Variants in ENTPD3 observed in about 807,000 individuals in gnomAD.
ENTPD3 encodes CD39 antigen-like 3.
In ENTPD3, 60 loss-of-function variants were observed where a neutral mutation model predicts 51.2. That is an observed-to-expected ratio of 1.17 (90% confidence interval 0.95 to 1.45). The LOEUF is 1.45. Among genes scored for constraint, ENTPD3 ranks in the 40% most tolerant of loss-of-function variants. The pLI is 0.00. For missense variants in ENTPD3, 593 were observed against 641.1 expected, an observed-to-expected ratio of 0.93 and a Z score of 0.81; for synonymous variants, 221 against 238.4, an observed-to-expected ratio of 0.93 and a Z score of 0.67.
intron 7 of ENTPD3, among the ~76,000 whole-genome samples, chr3:40,420,740 T>C (rs1054762967): frequency 2.6e-5 from 4 of 152,158 alleles, no homozygotes; most frequent in Non-Finnish European, 5.9e-5. Context: ...ATTAAGCTTT[T>C]ATAGGATTTT....
chr3:40,426,536 A>G (rs934248727), intron 10 of ENTPD3, among the ~76,000 whole-genome samples: 1 of 152,208 alleles, frequency 6.6e-6, no homozygotes, highest in African/African-American at 2.4e-5. Context: ...TAAATGGACT[A>G]AACCTACCAG....
chr3:40,412,242 A>G (rs146893923), intron 5 of ENTPD3, among the ~76,000 whole-genome samples: 42 of 152,234 alleles, frequency 2.8e-4, no homozygotes, highest in African/African-American at 9.4e-4. Flanking sequence ...ATGGGATATA[A>G]CTCTAGTTCT....
At chr3:40,396,444 T>C (rs1955201743) in intron 3 of ENTPD3, among the ~76,000 whole-genome samples, 1 of 152,212 alleles carries the variant, frequency 6.6e-6, no homozygotes, top group African/African-American at 2.4e-5. Flanking sequence ...GGGCCAGCTC[T>C]ACAACAGCCT....
In ENTPD3 at chr3:40,411,866, A is replaced by C. The variant is rs1179705221; in HGVS notation, c.341A>C (p.Glu114Ala). Residue 114 changes from glutamate (E) to alanine (A), a missense_variant, in exon 5 of 11, where the codon GAG becomes GCG. Physicochemically the swap from Glu to Ala is moderately radical, Grantham distance 107. Coordinates refer to ENST00000301825, the MANE Select transcript of ENTPD3 (RefSeq NM_001248.4). ...NNPQDVPRAF[E>A]ECMQKVKGQV... ...CCCCAAGATGTCCCCAGAGCCTTTGAGGAGTGTATGCAAAAAGTCAAGGGG... is the reference window on the plus strand; with the variant it reads ...CCCCAAGATGTCCCCAGAGCCTTTGCGGAGTGTATGCAAAAAGTCAAGGGG... 1 of 1,612,194 alleles carries C rather than the reference A, an allele frequency of 6.2e-7. No homozygotes were observed.
intron 7 of ENTPD3, among the ~76,000 whole-genome samples, chr3:40,418,218 G>A (rs1955790903): frequency 6.6e-6 from 1 of 152,082 alleles, no homozygotes; most frequent in Non-Finnish European, 1.5e-5. Context: ...TGCCTGATAG[G>A]GTGGCTCTGC....
At chr3:40,397,716 G>A (rs1282792995) in intron 3 of ENTPD3, among the ~76,000 whole-genome samples, 1 of 152,056 alleles carries the variant, frequency 6.6e-6, no homozygotes, top group African/African-American at 2.4e-5. Flanking sequence ...CTTAAGTGTT[G>A]GACCAAGGAG....
chr3:40,412,183 G>C (rs1057065575), intron 5 of ENTPD3, among the ~76,000 whole-genome samples: 1 of 152,308 alleles, frequency 6.6e-6, no homozygotes, highest in Middle Eastern at 3.4e-3. Context: ...CTCCCTTGGT[G>C]ATTTTACTGA....
At chr3:40,414,917 A>G in intron 6 of ENTPD3, 77 bp downstream of exon 6, 1 of 1,464,912 alleles carries the variant, frequency 6.8e-7, no homozygotes, top group African/African-American at 1.4e-5. Context: ...AAGTAGAGGT[A>G]CATGCCATCA....
At chr3:40,421,257 C>T (rs1955866441) in intron 7 of ENTPD3, among the ~76,000 whole-genome samples, 1 of 152,030 alleles carries the variant, frequency 6.6e-6, no homozygotes, top group South Asian at 2.1e-4. Flanking sequence ...CTCCTGACCT[C>T]AAATGATCTG....
At chr3:40,424,924 T>A (rs1955953804) in intron 10 of ENTPD3, 1 of 633,118 alleles carries the variant, frequency 1.6e-6, no homozygotes, top group Non-Finnish European at 2.9e-6. Flanking sequence ...AATAAGGATG[T>A]CTGGAGACAT....
chr3:40,415,317 G>C (rs1955721295), intron 6 of ENTPD3, among the ~76,000 whole-genome samples: 1 of 152,126 alleles, frequency 6.6e-6, no homozygotes, highest in Non-Finnish European at 1.5e-5. Flanking sequence ...GAGGAAAGTT[G>C]ACTCCAAGAG....
At chr3:40,407,581 A>T (rs1265335136) in intron 4 of ENTPD3, among the ~76,000 whole-genome samples, 2 of 152,086 alleles carry the variant, frequency 1.3e-5, no homozygotes, top group Non-Finnish European at 2.9e-5. Flanking sequence ...GAGGGGGAGG[A>T]TGAAGAAATA....
chr3:40,418,361 G>T (rs1955792685), intron 7 of ENTPD3, among the ~76,000 whole-genome samples: 1 of 152,164 alleles, frequency 6.6e-6, no homozygotes, highest in Non-Finnish European at 1.5e-5. Flanking sequence ...GACTTGGAAG[G>T]TTCACACAAA....
chr3:40,426,107 C>CTT lies in ENTPD3; in HGVS notation c.1354-1147_1354-1146dup, dbSNP rs35267876. Among the ~76,000 whole-genome samples the CTT allele has an allele frequency of 7.2e-3, 809 of 112,382 alleles. 10 individuals carry two copies. The highest frequency in any genetic ancestry group is 8.0e-3 in the Non-Finnish European group (455 of 57,076). 73.7% of individuals were successfully genotyped at this position (112,382 alleles called of 152,430 possible). ...AGAGATATCTTTTTCTTTTTCTTTT[C>CTT]TTTTTTTTTTTTTTTTTTTGAGACG... On this transcript the variant is annotated intron_variant, in intron 10 of 10. Transcript: ENST00000301825.
At chr3:40,390,365 T>C (rs1955024833) in intron 2 of ENTPD3, among the ~76,000 whole-genome samples, 1 of 152,080 alleles carries the variant, frequency 6.6e-6, no homozygotes, top group Non-Finnish European at 1.5e-5. Context: ...TACAGTTGAT[T>C]TTTTTCATTT....
At chr3:40,411,673 G>C (rs1008502952) in intron 4 of ENTPD3, 139 bp from the exon 5 acceptor site, 1 of 696,076 alleles carries the variant, frequency 1.4e-6, no homozygotes, top group Non-Finnish European at 2.3e-6. Context: ...TGACCATACG[G>C]GACTTACCAC....
chr3:40,417,546 C>A (rs114845898), intron 7 of ENTPD3, among the ~76,000 whole-genome samples: 95 of 152,214 alleles, frequency 6.2e-4, no homozygotes, highest in African/African-American at 2.2e-3. Flanking sequence ...CCACCAGGCC[C>A]CTCCTCCAAC....
Position 40,413,999 on chromosome 3 carries a change from A to G in ENTPD3, c.438-682A>G, listed in dbSNP as rs543395621. 2.0e-5 allele frequency among the ~76,000 whole-genome samples: 3 copies of G among 152,252 alleles called. No homozygotes were observed. The East Asian group carries it at 5.8e-4, about 29-fold the overall frequency. ...AGCCAGTGCCCCTGGCTTTCTACCC[A>G]TGGATGAAAGATGAAATAATCTCCC... On this transcript the variant is annotated intron_variant, in intron 5 of 10. Transcript: ENST00000301825.
In ENTPD3 at chr3:40,416,084, C is replaced by A; in HGVS notation, c.831+11C>A. 1.9e-6 allele frequency: 3 copies of A among 1,605,448 alleles called. No individual in the cohort carries two copies. In the South Asian group the frequency reaches 3.3e-5, roughly 18 times the overall value. ...GCAATGCTCCTGCAGGTACTTGAGTCGGGGGTAGGGGGTGGCAGGTGTTCT... is the reference window on the plus strand; with the variant it reads ...GCAATGCTCCTGCAGGTACTTGAGTAGGGGGTAGGGGGTGGCAGGTGTTCT... On this transcript the variant is annotated intron_variant, in intron 7 of 10. Coordinates refer to ENST00000301825, the MANE Select transcript of ENTPD3 (RefSeq NM_001248.4).
Sources: allele counts gnomAD v4.1 joint callset (sites outside exome capture counted in the v4.1 genomes callset), GRCh38; gene constraint gnomAD v4.1.1; transcripts MANE v1.5; gene names NCBI Gene and HGNC (gene_info 2026-07-23, HGNC 2026-07-21).